EML6: variants seen among roughly 807,000 people sequenced by gnomAD.
EML6 encodes EMAP like 6.
Under a neutral mutation model 240.1 loss-of-function variants are expected in EML6, and 154 were observed. The observed-to-expected ratio is 0.64, with a 90% confidence interval of 0.56 to 0.73. The LOEUF (loss-of-function observed/expected upper bound fraction) is 0.73, where lower values mean the gene tolerates loss of function less well. Among genes scored for constraint, EML6 ranks in the 30% least tolerant of loss-of-function variants. EML6 has a pLI of 0.00. For synonymous variants in EML6, 1,148 were observed against 899.0 expected (o/e 1.28, Z -4.95); for missense variants, 2,964 against 2,474.6 (o/e 1.20, Z -4.20).
Position 54,792,175 on chromosome 2 carries a change from CT to C in EML6, c.198-21056del, listed in dbSNP as rs1029281740. On this transcript the variant is annotated intron_variant, in intron 2 of 41. Transcript: ENST00000356458. ...ACATTCATCTTAAAGCCATATATTT[CT>C]CTGTACCCTTTTGACATGTAATATT... Among the ~76,000 whole-genome samples the C allele has an allele frequency of 3.4e-4, 52 of 152,252 alleles. No homozygotes were observed. The Middle Eastern group carries it at 0.017, about 50-fold the overall frequency.
intron 10 of EML6, among the ~76,000 whole-genome samples, chr2:54,851,476 T>G (rs1208991928): frequency 6.6e-6 from 1 of 151,872 alleles, no homozygotes; most frequent in Non-Finnish European, 1.5e-5. Context: ...CTGAAACATT[T>G]TCTTTAAAAT....
chr2:54,779,090 A>G (rs73936461), intron 2 of EML6, among the ~76,000 whole-genome samples: 6,452 of 152,246 alleles, frequency 0.042, 452 homozygotes, highest in African/African-American at 0.14. Context: ...CCAAGATGGT[A>G]TTTTGAATGA....
chr2:54,937,992 T>G (rs955587266), intron 28 of EML6, among the ~76,000 whole-genome samples: 21 of 152,228 alleles, frequency 1.4e-4, no homozygotes, highest in African/African-American at 5.1e-4. Flanking sequence ...GACACCAATC[T>G]GCTTCGTCCT....
chr2:54,959,100 A>C lies in EML6; in HGVS notation c.4696-4A>C, dbSNP rs767314911. The C allele has an allele frequency of 1.7e-5, 26 of 1,548,652 alleles. No individual in the cohort carries two copies. The highest frequency in any genetic ancestry group is 2.2e-5 in the Non-Finnish European group (25 of 1,145,812). On this transcript the variant is annotated splice_polypyrimidine_tract_variant and splice_region_variant and intron_variant, in intron 33 of 41. Transcript: ENST00000356458. Reference sequence around the variant, plus strand: ...GGGTGTAGAAGATGTTGTTTTGTTTACAGAACAATCTCACTTTCACGGGTG... The same window carrying C: ...GGGTGTAGAAGATGTTGTTTTGTTTCCAGAACAATCTCACTTTCACGGGTG...
At chr2:54,801,360 C>T (rs868513157) in intron 2 of EML6, among the ~76,000 whole-genome samples, 24 of 151,044 alleles carry the variant, frequency 1.6e-4, no homozygotes, top group African/African-American at 5.3e-4. Context: ...TTGAAAATTT[C>T]TTCCTATGAC....
At chr2:54,737,448 G>A (rs181145900) in intron 2 of EML6, among the ~76,000 whole-genome samples, 2 of 152,154 alleles carry the variant, frequency 1.3e-5, no homozygotes, top group East Asian at 1.9e-4. Context: ...ATAGGCATGC[G>A]CCACCGTGCC....
At chr2:54,930,083 C>G (rs866528040) in intron 28 of EML6, among the ~76,000 whole-genome samples, 6 of 151,980 alleles carry the variant, frequency 3.9e-5, no homozygotes, top group African/African-American at 1.4e-4. Flanking sequence ...GTATTCATTC[C>G]TTTGGAAAAA....
intron 7 of EML6, among the ~76,000 whole-genome samples, chr2:54,837,632 C>T (rs146063378): frequency 1.3e-5 from 2 of 152,218 alleles, no homozygotes; most frequent in African/African-American, 4.8e-5. Flanking sequence ...CAGCATGTGA[C>T]TGAAGAACCA....
At chr2:54,966,304 G>A (rs1163898151) in intron 38 of EML6, among the ~76,000 whole-genome samples, 1 of 152,196 alleles carries the variant, frequency 6.6e-6, no homozygotes, top group African/African-American at 2.4e-5. Flanking sequence ...ACAGAGAGGT[G>A]GGAACATTGT....
chr2:54,907,362 C>T (rs1474561798), intron 24 of EML6, among the ~76,000 whole-genome samples: 1 of 152,064 alleles, frequency 6.6e-6, no homozygotes, highest in Non-Finnish European at 1.5e-5. Flanking sequence ...CAAAAATCAG[C>T]CAGGTGTGGT....
intron 24 of EML6, 80 bp from the exon 25 acceptor site, chr2:54,910,874 T>C (rs1673602351): frequency 1.5e-6 from 1 of 687,640 alleles, no homozygotes; most frequent in African/African-American, 1.8e-5. Flanking sequence ...TGAATCAAAA[T>C]AGCACCCATG....
At chr2:54,922,418 A>T (rs6747423) in intron 26 of EML6, among the ~76,000 whole-genome samples, 27,536 of 152,066 alleles carry the variant, frequency 0.18, 3,018 homozygotes, top group African/African-American at 0.3. Context: ...AAAGGAAGGG[A>T]ACCCTTGTAC....
rs115121713 is a variant in EML6, at chr2:54,940,748, G to C, written c.4005-8134G>C. On this transcript the variant is annotated intron_variant, in intron 28 of 41. Coordinates refer to ENST00000356458, the MANE Select transcript of EML6 (RefSeq NM_001039753.4). ...TGTGGGAAATGATGTGACTGATGTA[G>C]AATCCAGGGTGCCCCAGTTGGCCCT... Among the ~76,000 whole-genome samples, 635 of 152,310 alleles carry C rather than the reference G, an allele frequency of 4.2e-3. 3 individuals are homozygous for C. The highest frequency in any genetic ancestry group is 0.014 in the African/African-American group (595 of 41,570).
chr2:54,931,897 G>A (rs1439612526), intron 28 of EML6, among the ~76,000 whole-genome samples: 1 of 152,206 alleles, frequency 6.6e-6, no homozygotes, highest in Non-Finnish European at 1.5e-5. Flanking sequence ...TGAGAAAAAT[G>A]CCTTGAAGGT....
intron 2 of EML6, among the ~76,000 whole-genome samples, chr2:54,733,537 C>G (rs1254984621): frequency 1.3e-5 from 2 of 152,136 alleles, no homozygotes; most frequent in African/African-American, 2.4e-5. Context: ...CTAATTATTT[C>G]TCTTGGAAGT....
intron 21 of EML6, among the ~76,000 whole-genome samples, chr2:54,899,083 G>A (rs1386911183): frequency 2.6e-5 from 4 of 152,178 alleles, no homozygotes; most frequent in Non-Finnish European, 5.9e-5. Context: ...CACCGAGGAC[G>A]CTTGAAATGA....
chr2:54,793,913 T>C (rs1327459202), intron 2 of EML6, among the ~76,000 whole-genome samples: 4 of 152,152 alleles, frequency 2.6e-5, no homozygotes, highest in African/African-American at 9.7e-5. Context: ...GAGACAGTTC[T>C]CCTTCTCAAA....
chr2:54,744,323 G>A (rs1215687010), intron 2 of EML6, among the ~76,000 whole-genome samples: 2 of 152,114 alleles, frequency 1.3e-5, no homozygotes, highest in African/African-American at 4.8e-5. Flanking sequence ...AGGAAGGGAT[G>A]TAAACCCATG....
At chr2:54,954,244 C>A in intron 32 of EML6, 88 bp downstream of exon 32, 2 of 1,231,566 alleles carry the variant, frequency 1.6e-6, no homozygotes, top group Non-Finnish European at 2.2e-6. Context: ...TGCCTCACTC[C>A]GAAGCCTGCC....
Sources: gnomAD v4.1 joint callset for allele counts (sites outside exome capture counted in the v4.1 genomes callset) on GRCh38, gnomAD v4.1.1 for gene constraint, MANE v1.5 for transcripts, NCBI Gene and HGNC (gene_info 2026-07-23, HGNC 2026-07-21) for gene names.